The following RXFP1 variants were observed in gnomAD, a reference collection of about 807,000 sequenced individuals.
The protein encoded by RXFP1 is relaxin receptor 1.
In RXFP1, 73 loss-of-function variants were observed where a neutral mutation model predicts 89.8. That is an observed-to-expected ratio of 0.81 (90% confidence interval 0.67 to 0.99). The LOEUF (loss-of-function observed/expected upper bound fraction) is 0.99, where lower values mean the gene tolerates loss of function less well. RXFP1 is among the 50% of genes least tolerant of loss of function. The pLI, the probability that RXFP1 is intolerant of heterozygous loss-of-function variation, is 0.00. For synonymous variants in RXFP1, 277 were observed against 305.5 expected (o/e 0.91, Z 0.97); for missense variants, 793 against 895.5 (o/e 0.89, Z 1.46).
chr4:158,608,875 A>C (rs1475106431), intron 6 of RXFP1, among the ~76,000 whole-genome samples: 1 of 152,236 alleles, frequency 6.6e-6, no homozygotes, highest in East Asian at 1.9e-4. Flanking sequence ...ACCTCATATA[A>C]GGAGAATCAT....
rs766462298 is a variant in RXFP1 at position 158,652,058 on chromosome 4, G to C, written c.*3G>C. On this transcript the variant is annotated 3_prime_UTR_variant, in exon 18 of 18. Transcript: ENST00000307765. Reference sequence around the variant, plus strand: ...CGAGACTCAATTCCTATTCATGACTGACTCTGAAATTCATTTCTTCGCAGA... The same window carrying C: ...CGAGACTCAATTCCTATTCATGACTCACTCTGAAATTCATTTCTTCGCAGA... The C allele has an allele frequency of 1.2e-6, 2 of 1,600,088 alleles. No individual in the cohort carries two copies. The highest frequency in any genetic ancestry group is 1.7e-6 in the Non-Finnish European group (2 of 1,171,346).
chr4:158,556,507 T>G (rs1751340865), intron 1 of RXFP1, among the ~76,000 whole-genome samples: 1 of 152,096 alleles, frequency 6.6e-6, no homozygotes, highest in Admixed American at 6.5e-5. Context: ...CTATGGAGAT[T>G]CCTCAAAACA....
At chr4:158,527,409 G>C (rs961539933) in intron 1 of RXFP1, among the ~76,000 whole-genome samples, 3 of 151,466 alleles carry the variant, frequency 2.0e-5, no homozygotes, top group Non-Finnish European at 2.9e-5. Flanking sequence ...CGGGCGTGGT[G>C]GTGGGCGTCT....
At chr4:158,636,467 C>T (rs1387282451) in intron 12 of RXFP1, among the ~76,000 whole-genome samples, 6 of 152,106 alleles carry the variant, frequency 3.9e-5, no homozygotes, top group Non-Finnish European at 8.8e-5. Context: ...TTGACAGCTC[C>T]GCCTTCATGC....
intron 3 of RXFP1, among the ~76,000 whole-genome samples, chr4:158,593,702 A>G (rs922438924): frequency 6.6e-6 from 1 of 152,240 alleles, no homozygotes; most frequent in African/African-American, 2.4e-5. Flanking sequence ...AGGAAAATTT[A>G]TTTCAAAAAA....
In RXFP1 at chr4:158,527,575, A is replaced by ATATATATATG. The variant is rs1433432521; in HGVS notation, c.49+5553_49+5554insATATATGTAT. On this transcript the variant is annotated intron_variant, in intron 1 of 17. Transcript: ENST00000307765. The stretch of plus-strand genomic sequence containing the variant: ...TCCAAAAAAAAAAAAATATATATAT[A>ATATATATATG]TATGTATATATATACTGTTGCCTCC... Among the ~76,000 whole-genome samples the ATATATATATG allele has an allele frequency of 7.6e-5, 11 of 145,330 alleles. No homozygotes were observed. In the East Asian group the frequency reaches 2.2e-3, roughly 29 times the overall value.
chr4:158,552,527 C>T (rs544074308), intron 1 of RXFP1, among the ~76,000 whole-genome samples: 3 of 152,240 alleles, frequency 2.0e-5, no homozygotes, highest in Non-Finnish European at 2.9e-5. Flanking sequence ...AAAAACATCT[C>T]GTCTTGTTTT....
At chr4:158,522,292 T>C (rs1741371334) in intron 1 of RXFP1, among the ~76,000 whole-genome samples, 1 of 152,174 alleles carries the variant, frequency 6.6e-6, no homozygotes, top group Admixed American at 6.6e-5. Flanking sequence ...ATTGATATTT[T>C]AAGCAACATT....
chr4:158,601,229 A>C (rs1005498246), intron 4 of RXFP1, among the ~76,000 whole-genome samples: 1 of 152,122 alleles, frequency 6.6e-6, no homozygotes, highest in Non-Finnish European at 1.5e-5. Context: ...ATAAACAAAA[A>C]AACTGGGACC....
intron 4 of RXFP1, among the ~76,000 whole-genome samples, chr4:158,604,856 A>G (rs1475510062): frequency 6.6e-6 from 1 of 152,164 alleles, no homozygotes; most frequent in Non-Finnish European, 1.5e-5. Flanking sequence ...TACAGTCATA[A>G]CCAAAATTTT....
intron 11 of RXFP1, among the ~76,000 whole-genome samples, chr4:158,629,674 T>C (rs1767642843): frequency 6.6e-6 from 1 of 152,128 alleles, no homozygotes; most frequent in Non-Finnish European, 1.5e-5. Context: ...TTGCCCAAGC[T>C]GAAGTGCAAT....
intron 16 of RXFP1, among the ~76,000 whole-genome samples, chr4:158,647,813 C>T (rs953512176): frequency 1.3e-5 from 2 of 152,038 alleles, no homozygotes; most frequent in African/African-American, 4.8e-5. Flanking sequence ...GTCAGGAGTT[C>T]AAGACCAGCC....
intron 2 of RXFP1, among the ~76,000 whole-genome samples, chr4:158,574,663 T>C (rs1017035911): frequency 6.6e-6 from 1 of 152,266 alleles, no homozygotes; most frequent in African/African-American, 2.4e-5. Flanking sequence ...GCTTTCTTAC[T>C]GCCTGGGCTG....
intron 1 of RXFP1, among the ~76,000 whole-genome samples, chr4:158,526,417 A>G (rs563627798): frequency 7.2e-5 from 11 of 152,278 alleles, no homozygotes; most frequent in African/African-American, 2.6e-4. Context: ...TCATCTTTTT[A>G]AATTCTACAG....
chr4:158,546,744 A>G (rs1431743216), intron 1 of RXFP1, among the ~76,000 whole-genome samples: 2 of 151,974 alleles, frequency 1.3e-5, no homozygotes, highest in Non-Finnish European at 2.9e-5. Flanking sequence ...TATATGCTGG[A>G]TTACGTTTAT....
chr4:158,586,253 A>G (rs1240739223), intron 2 of RXFP1, among the ~76,000 whole-genome samples: 1 of 152,254 alleles, frequency 6.6e-6, no homozygotes, highest in Non-Finnish European at 1.5e-5. Flanking sequence ...CATTCATTCA[A>G]TCAACAAATA....
Position 158,585,676 on chromosome 4 carries a change from A to G in RXFP1, c.188-7725A>G, listed in dbSNP as rs564739242. On this transcript the variant is annotated intron_variant, in intron 2 of 17. Coordinates refer to ENST00000307765, the MANE Select transcript of RXFP1 (RefSeq NM_021634.4). The stretch of plus-strand genomic sequence containing the variant: ...ATGACATTTTGAGCTGGATGATAAA[A>G]GAAAAAAAAAGATAAAAGTACCTTA... 6.6e-5 allele frequency among the ~76,000 whole-genome samples: 10 copies of G among 152,364 alleles called. No homozygotes were observed. In the South Asian group the frequency reaches 1.9e-3, roughly 28 times the overall value.
intron 2 of RXFP1, among the ~76,000 whole-genome samples, chr4:158,583,404 G>T (rs1757736715): frequency 1.3e-5 from 2 of 152,170 alleles, no homozygotes; most frequent in South Asian, 4.1e-4. Context: ...ACTAAAGTTG[G>T]TGGTTTGTCT....
chr4:158,616,427 CT>C (rs1764578207), intron 8 of RXFP1, among the ~76,000 whole-genome samples: 1 of 151,706 alleles, frequency 6.6e-6, no homozygotes, highest in Admixed American at 6.6e-5. Context: ...AAGACTCTGT[CT>C]CAAACGAAAT....
Sources: allele counts gnomAD v4.1 joint callset (sites outside exome capture counted in the v4.1 genomes callset), GRCh38; gene constraint gnomAD v4.1.1; transcripts MANE v1.5; gene names NCBI Gene and HGNC (gene_info 2026-07-23, HGNC 2026-07-21).